TMEM131: variants seen among roughly 807,000 people sequenced by gnomAD.
TMEM131 encodes the protein 2610524E03Rik.
In TMEM131, 66 loss-of-function variants were observed where a neutral mutation model predicts 211.6. The observed-to-expected ratio is 0.31, with a 90% confidence interval of 0.26 to 0.38. The LOEUF is 0.38. Among genes scored for constraint, TMEM131 ranks in the 10% least tolerant of loss-of-function variants. TMEM131 has a pLI of 1.00. For synonymous variants in TMEM131, 844 were observed against 841.3 expected, an observed-to-expected ratio of 1.00 and a Z score of -0.06; for missense variants, 2,036 against 2,299.3, an observed-to-expected ratio of 0.89 and a Z score of 2.34.
chr2:97,842,372 A>G (rs542229484), intron 6 of TMEM131, among the ~76,000 whole-genome samples: 9 of 152,318 alleles, frequency 5.9e-5, no homozygotes, highest in Admixed American at 2.6e-4. Flanking sequence ...TATTATTAAT[A>G]TATTGCTATT....
At chr2:97,808,857 G>A (rs564544448) in intron 19 of TMEM131, among the ~76,000 whole-genome samples, 1 of 152,302 alleles carries the variant, frequency 6.6e-6, no homozygotes, top group South Asian at 2.1e-4. Context: ...AGATGACAAT[G>A]GAATTGAATC....
chr2:97,992,634 T>C (rs920109145), intron 1 of TMEM131, among the ~76,000 whole-genome samples: 2 of 152,214 alleles, frequency 1.3e-5, no homozygotes, highest in African/African-American at 2.4e-5. Flanking sequence ...TGATATATAA[T>C]GCTTTTTTAA....
intron 3 of TMEM131, among the ~76,000 whole-genome samples, chr2:97,888,899 A>G (rs1675268386): frequency 6.6e-6 from 1 of 152,224 alleles, no homozygotes; most frequent in Non-Finnish European, 1.5e-5. Flanking sequence ...GTTCTAGGAA[A>G]TGATGTCAGA....
chr2:97,991,292 A>C (rs2104682890), intron 1 of TMEM131, among the ~76,000 whole-genome samples: 1 of 152,326 alleles, frequency 6.6e-6, no homozygotes, highest in African/African-American at 2.4e-5. Flanking sequence ...TGAATGATGA[A>C]TGATTAACAA....
chr2:97,940,045 G>A (rs1677644610), intron 1 of TMEM131, among the ~76,000 whole-genome samples: 1 of 152,128 alleles, frequency 6.6e-6, no homozygotes, highest in Non-Finnish European at 1.5e-5. Flanking sequence ...AGCCATTTAT[G>A]ACAAACCCAC....
intron 3 of TMEM131, among the ~76,000 whole-genome samples, chr2:97,897,857 G>A (rs955893888): frequency 3.9e-5 from 6 of 151,926 alleles, no homozygotes; most frequent in Non-Finnish European, 7.4e-5. Flanking sequence ...TTTTCTTTGT[G>A]GAAAGGTTTA....
chr2:97,860,827 C>T (rs1674035203), intron 4 of TMEM131, among the ~76,000 whole-genome samples: 1 of 152,202 alleles, frequency 6.6e-6, no homozygotes. Flanking sequence ...ATCAGGTGAG[C>T]ACTCACAGTA....
chr2:97,926,315 T>C (rs1178990746), intron 2 of TMEM131, among the ~76,000 whole-genome samples: 1 of 152,204 alleles, frequency 6.6e-6, no homozygotes, highest in Non-Finnish European at 1.5e-5. Context: ...TGTACATTTT[T>C]CTGTTCTAAT....
chr2:97,937,799 T>C (rs969349649), intron 1 of TMEM131, among the ~76,000 whole-genome samples: 6 of 151,904 alleles, frequency 3.9e-5, no homozygotes, highest in Non-Finnish European at 8.8e-5. Context: ...GTAGAACAAC[T>C]AGAGAGAAGG....
At chr2:97,809,916 CATAG>C (rs1681476911) in intron 18 of TMEM131, 142 bp from the exon 19 acceptor site, 1 of 620,886 alleles carries the variant, frequency 1.6e-6, no homozygotes, top group South Asian at 2.0e-5. Flanking sequence ...TAAAATCACC[CATAG>C]ATACTGTTTA....
chr2:97,769,412 A>G (rs1679356235), intron 33 of TMEM131, among the ~76,000 whole-genome samples: 1 of 151,872 alleles, frequency 6.6e-6, no homozygotes, highest in Admixed American at 6.6e-5. Context: ...AGCCTGGCCT[A>G]TTTTTATTCC....
chr2:97,914,322 C>T (rs1573549863), intron 2 of TMEM131, among the ~76,000 whole-genome samples: 1 of 152,180 alleles, frequency 6.6e-6, no homozygotes, highest in South Asian at 2.1e-4. Context: ...AACACTATGG[C>T]ATAACATCAC....
chr2:97,879,675 T>C (rs933597713), intron 4 of TMEM131, among the ~76,000 whole-genome samples: 1 of 152,186 alleles, frequency 6.6e-6, no homozygotes, highest in African/African-American at 2.4e-5. Context: ...GAAGATGAGG[T>C]GAAGACCTTT....
intron 4 of TMEM131, among the ~76,000 whole-genome samples, chr2:97,883,099 G>A (rs1342183753): frequency 1.3e-5 from 2 of 152,182 alleles, no homozygotes; most frequent in Non-Finnish European, 2.9e-5. Flanking sequence ...GCTCTATGGG[G>A]CCTCTCTTGT....
intron 25 of TMEM131, among the ~76,000 whole-genome samples, chr2:97,800,972 C>T (rs1288487243): frequency 1.3e-5 from 2 of 152,182 alleles, no homozygotes; most frequent in East Asian, 3.8e-4. Context: ...AAAAATACTA[C>T]TTTGAATATT....
intron 1 of TMEM131, among the ~76,000 whole-genome samples, chr2:97,963,646 C>G (rs1678916991): frequency 2.0e-5 from 3 of 152,150 alleles, no homozygotes; most frequent in African/African-American, 4.8e-5. Flanking sequence ...ACCAGGGAGA[C>G]GGAGGTTGCA....
intron 11 of TMEM131, among the ~76,000 whole-genome samples, chr2:97,827,967 C>T (rs1366471125): frequency 6.6e-6 from 1 of 152,164 alleles, no homozygotes; most frequent in African/African-American, 2.4e-5. Context: ...GAATTGTTTC[C>T]TAAAGAAAAC....
chr2:97,822,602 G>A (rs982149466), intron 11 of TMEM131, among the ~76,000 whole-genome samples: 1 of 152,150 alleles, frequency 6.6e-6, no homozygotes, highest in Non-Finnish European at 1.5e-5. Flanking sequence ...TGGTATAGGA[G>A]GACAGGCAAG....
intron 3 of TMEM131, among the ~76,000 whole-genome samples, chr2:97,895,685 G>GT (rs1456298124): frequency 6.6e-6 from 1 of 152,044 alleles, no homozygotes; most frequent in East Asian, 1.9e-4. Context: ...TCTGATGGTA[G>GT]TTTTTTATTT....
Sources: gnomAD v4.1 joint callset for allele counts (sites outside exome capture counted in the v4.1 genomes callset) on GRCh38, gnomAD v4.1.1 for gene constraint, MANE v1.5 for transcripts, NCBI Gene and HGNC (gene_info 2026-07-23, HGNC 2026-07-21) for gene names.